Variants in RLF observed in about 807,000 individuals in gnomAD.
RLF encodes the protein zinc finger protein Rlf.
Under a neutral mutation model 162.9 loss-of-function variants are expected in RLF, and 7 were observed. The observed-to-expected ratio is 0.04, with a 90% CI of 0.02 to 0.08. RLF has a LOEUF of 0.08. Ranked by LOEUF, RLF falls within the 10% of genes least tolerant of loss-of-function variation. The pLI, the probability that RLF is intolerant of heterozygous loss-of-function variation, is 1.00. For missense variants in RLF, 1,664 were observed against 2,244.7 expected, an observed-to-expected ratio of 0.74 and a Z score of 5.23; for synonymous variants, 782 against 791.5, an observed-to-expected ratio of 0.99 and a Z score of 0.20.
At chr1:40,174,321 A>G (rs571469330) in intron 1 of RLF, among the ~76,000 whole-genome samples, 1 of 152,240 alleles carries the variant, frequency 6.6e-6, no homozygotes, top group South Asian at 2.1e-4. Context: ...CAGTGAGCCA[A>G]GATTGCACCA....
chr1:40,238,220 A>G lies in RLF; in HGVS notation c.3518A>G (p.Gln1173Arg). The change falls in exon 8 of 8, where the codon CAG becomes CGG. Residue 1173 changes from glutamine (Q) to arginine (R), a missense_variant. By Grantham distance (43) the Gln-to-Arg change is conservative. Coordinates refer to ENST00000372771, the MANE Select transcript of RLF (RefSeq NM_012421.4). This position sits in a 1 kb window ranked among gnomAD's most constrained non-coding sequence, Gnocchi z 5.2. ...TTCCAACATCGGTATTCCCCATTTC[A>G]GTGTCATATTTGCCAAAGGTCATTT... ...TMFQHRYSPF[Q>R]CHICQRSFTR... The G allele has an allele frequency of 6.2e-7, 1 of 1,614,150 alleles. No homozygotes were observed. Among genetic ancestry groups the G allele is most frequent in the Middle Eastern group, 1.6e-4 (1 of 6,062 alleles).
In RLF at chr1:40,236,984, A is replaced by G; in HGVS notation, c.2282A>G (p.Asn761Ser). 6.2e-7 allele frequency: 1 copy of G among 1,614,156 alleles called. No individual in the cohort carries two copies. Among genetic ancestry groups the G allele is most frequent in the Non-Finnish European group, 8.5e-7 (1 of 1,180,018 alleles). The change falls in exon 8 of 8, where the codon AAC becomes AGC. Residue 761 changes from asparagine (N) to serine (S), a missense_variant. Transcript: ENST00000372771. This position sits in a 1 kb window ranked among gnomAD's most constrained non-coding sequence, Gnocchi z 7.7. ...TTTGGATCAGTAAATGAACTACTTA[A>G]CCATAAACAAAAGCATGACGATCTG... ...ARFGSVNELL[N>S]HKQKHDDLRY...
intron 3 of RLF, among the ~76,000 whole-genome samples, chr1:40,195,304 C>CT (rs1199564153): frequency 6.6e-6 from 1 of 151,816 alleles, no homozygotes; most frequent in Admixed American, 6.6e-5. Context: ...CAAAAATTAG[C>CT]TGGGCGCGGT....
intron 4 of RLF, among the ~76,000 whole-genome samples, chr1:40,200,866 C>CCACACACA (rs1642702244): frequency 9.3e-6 from 1 of 107,740 alleles, no homozygotes; most frequent in Non-Finnish European, 1.9e-5. Context: ...CATTGCTACT[C>CCACACACA]TACACACACA....
chr1:40,228,033 C>A (rs1643101453), intron 6 of RLF, among the ~76,000 whole-genome samples: 1 of 151,890 alleles, frequency 6.6e-6, no homozygotes, highest in Admixed American at 6.6e-5. Context: ...GCCTGTAATC[C>A]CAGTACTCTG....
chr1:40,161,709 A>T lies in RLF; in HGVS notation c.237+73A>T. On this transcript the variant is annotated intron_variant, in intron 1 of 7. Coordinates refer to ENST00000372771, the MANE Select transcript of RLF (RefSeq NM_012421.4). The surrounding 1 kb of genome is among the most constrained non-coding windows in gnomAD (Gnocchi z 4.4). ...GGAAGGAGGCCCTGGATCCTCTGTA[A>T]GCAGCCGGGTCCAAACTGAAAGGCG... is the stretch of plus-strand genomic sequence containing the variant. 1 of 1,566,986 alleles carries T rather than the reference A, an allele frequency of 6.4e-7. No homozygotes were observed. The highest frequency in any genetic ancestry group is 8.6e-7 in the Non-Finnish European group (1 of 1,165,802).
intron 1 of RLF, among the ~76,000 whole-genome samples, chr1:40,179,137 T>C (rs933482084): frequency 3.9e-5 from 6 of 152,234 alleles, no homozygotes; most frequent in Non-Finnish European, 8.8e-5. Flanking sequence ...ACCCAGCCTT[T>C]ACCACCATAT....
chr1:40,238,949 C>T lies in RLF; in HGVS notation c.4247C>T (p.Ala1416Val). The T allele has an allele frequency of 6.2e-7, 1 of 1,614,192 alleles. No individual in the cohort carries two copies. The change falls in exon 8 of 8, where the codon GCT becomes GTT. Residue 1416 changes from alanine (A) to valine (V), a missense_variant. Around this residue, in one of 15 missense-constraint regions of RLF, gnomAD observed 200 missense variants for 207.3 expected, o/e 0.96. Transcript: ENST00000372771. This position sits in a 1 kb window ranked among gnomAD's most constrained non-coding sequence, Gnocchi z 5.2. ...TCTTGTAACCAGCCTCAGTGCCCTG[C>T]TGTTTTTTATACATTCAACAAGTTG... is the stretch of plus-strand genomic sequence containing the variant. Reference protein sequence around the residue: ...RFSCNQPQCPAVFYTFNKLKH... With the variant: ...RFSCNQPQCPVVFYTFNKLKH...
intron 1 of RLF, among the ~76,000 whole-genome samples, chr1:40,186,390 C>T (rs1424836726): frequency 1.3e-5 from 2 of 152,110 alleles, no homozygotes; most frequent in African/African-American, 4.8e-5. Flanking sequence ...TTTGAACCAA[C>T]ACATGAGGGG....
chr1:40,222,828 T>A, intron 6 of RLF, 118 bp downstream of exon 6: 2 of 754,092 alleles, frequency 2.7e-6, no homozygotes. Flanking sequence ...GAATAGCTTC[T>A]TGCTTCCACA....
intron 5 of RLF, among the ~76,000 whole-genome samples, chr1:40,205,162 C>A (rs954149763): frequency 1.9e-4 from 29 of 152,058 alleles, no homozygotes; most frequent in Admixed American, 1.9e-3. Flanking sequence ...TAAAAAAGAG[C>A]TCTTCTTAGG....
chr1:40,176,564 C>G (rs965314073), intron 1 of RLF, among the ~76,000 whole-genome samples: 1 of 152,214 alleles, frequency 6.6e-6, no homozygotes, highest in Non-Finnish European at 1.5e-5. Context: ...GACAGCCTCC[C>G]AAATAGCTGG....
intron 1 of RLF, among the ~76,000 whole-genome samples, chr1:40,178,190 T>C (rs996508251): frequency 2.6e-5 from 4 of 152,164 alleles, no homozygotes; most frequent in Non-Finnish European, 2.9e-5. Context: ...CTATCCTTTC[T>C]CCACTGAATT....
intron 2 of RLF, among the ~76,000 whole-genome samples, chr1:40,190,242 C>T (rs1414591765): frequency 6.6e-6 from 1 of 152,086 alleles, no homozygotes. Flanking sequence ...AAAAATCTTC[C>T]TGTTATTTCT....
chr1:40,222,035 A>C (rs1487809328), intron 5 of RLF, among the ~76,000 whole-genome samples: 1 of 152,112 alleles, frequency 6.6e-6, no homozygotes, highest in East Asian at 1.9e-4. Context: ...ATTTCTAAAA[A>C]GGGTTTTGAT....
chr1:40,183,045 C>T (rs558570981), intron 1 of RLF, among the ~76,000 whole-genome samples: 86 of 152,186 alleles, frequency 5.7e-4, no homozygotes, highest in African/African-American at 2.0e-3. Context: ...TAAGTCTCTT[C>T]AGCATTTACT....
At chr1:40,184,088 G>A (rs966343502) in intron 1 of RLF, among the ~76,000 whole-genome samples, 2 of 152,164 alleles carry the variant, frequency 1.3e-5, no homozygotes, top group African/African-American at 2.4e-5. Flanking sequence ...TTAAGGGTGA[G>A]GGGAGATTTT....
intron 6 of RLF, among the ~76,000 whole-genome samples, chr1:40,225,878 CAAAAAAAAAAA>C (rs71577617): frequency 6.1e-4 from 9 of 14,806 alleles, no homozygotes; most frequent in East Asian, 4.5e-3. Flanking sequence ...GACTCCGTCG[CAAAAAAAAAAA>C]AAAAAAAAAA....
At chr1:40,194,026 C>T (rs1182897629) in intron 3 of RLF, among the ~76,000 whole-genome samples, 2 of 152,100 alleles carry the variant, frequency 1.3e-5, no homozygotes, top group Non-Finnish European at 2.9e-5. Context: ...CAATAATACT[C>T]AGTAGTAATA....
Sources: allele counts gnomAD v4.1 joint callset (sites outside exome capture counted in the v4.1 genomes callset), GRCh38; gene constraint gnomAD v4.1.1; regional missense constraint gnomAD v4.1.1; non-coding constraint Gnocchi (gnomAD v3.1); transcripts MANE v1.5; gene names NCBI Gene and HGNC (gene_info 2026-07-23, HGNC 2026-07-21).